SMARCC1: variants seen among roughly 807,000 people sequenced by gnomAD.
The protein encoded by SMARCC1 is SWI/SNF complex subunit SMARCC1.
A neutral mutation model predicts 147.4 loss-of-function variants in SMARCC1; 43 were observed. That is an observed-to-expected ratio of 0.29 (90% CI 0.23 to 0.38). SMARCC1 has a LOEUF of 0.38. Among genes scored for constraint, SMARCC1 ranks in the 10% least tolerant of loss-of-function variants. The pLI, the probability that SMARCC1 is intolerant of heterozygous loss-of-function variation, is 1.00. For synonymous variants in SMARCC1, 495 were observed against 484.4 expected, an observed-to-expected ratio of 1.02 and a Z score of -0.29; for missense variants, 1,119 against 1,381.1, an observed-to-expected ratio of 0.81 and a Z score of 3.01.
intron 26 of SMARCC1, among the ~76,000 whole-genome samples, chr3:47,593,028 T>C (rs962169416): frequency 1.3e-5 from 2 of 151,926 alleles, no homozygotes; most frequent in African/African-American, 2.4e-5. Flanking sequence ...GGTTTCACTA[T>C]GTTGGCCAAG....
chr3:47,725,408 A>G (rs1475092897), intron 6 of SMARCC1, among the ~76,000 whole-genome samples: 3 of 152,100 alleles, frequency 2.0e-5, no homozygotes, highest in Non-Finnish European at 4.4e-5. Context: ...GCACAACTGT[A>G]AATATACTAA....
rs545566348 is a variant in SMARCC1 at position 47,592,323 on chromosome 3, A to G, written c.3044-1486T>C. Among the ~76,000 whole-genome samples, 6 of 152,378 alleles carry G rather than the reference A, an allele frequency of 3.9e-5. No homozygotes were observed. The East Asian group carries it at 9.6e-4, about 24-fold the overall frequency. ...AAGCATGAAGGCAGTCACAGATGATACACAACAAATGGACGTGGCTGTGTT... is the reference window on the plus strand; with the variant it reads ...AAGCATGAAGGCAGTCACAGATGATGCACAACAAATGGACGTGGCTGTGTT... On this transcript the variant is annotated intron_variant, in intron 26 of 27. Coordinates refer to ENST00000254480, the MANE Select transcript of SMARCC1 (RefSeq NM_003074.4).
chr3:47,708,102 T>TTTTTTC, intron 9 of SMARCC1, among the ~76,000 whole-genome samples: 1 of 119,532 alleles, frequency 8.4e-6, no homozygotes, highest in Non-Finnish European at 1.7e-5. Context: ...TTTTTTTTTT[T>TTTTTTC]TTTTTTTTTT....
chr3:47,710,577 G>T (rs568802164), intron 9 of SMARCC1, 106 bp downstream of exon 9: 5 of 1,151,764 alleles, frequency 4.3e-6, no homozygotes, highest in Admixed American at 2.6e-5. Flanking sequence ...AGGCAGATGT[G>T]AAAGTTCCTA....
intron 23 of SMARCC1, 68 bp downstream of exon 23, chr3:47,635,954 C>T (rs1235414709): frequency 7.9e-6 from 6 of 758,922 alleles, no homozygotes; most frequent in African/African-American, 1.8e-5. Context: ...TCTATATAAA[C>T]CACCTTCATT....
intron 7 of SMARCC1, among the ~76,000 whole-genome samples, chr3:47,716,063 C>A (rs1265607874): frequency 6.6e-6 from 1 of 151,108 alleles, no homozygotes; most frequent in Non-Finnish European, 1.5e-5. Context: ...CAAATGACAT[C>A]TAGTATGATG....
At chr3:47,641,260 G>A (rs1416428188) in intron 21 of SMARCC1, among the ~76,000 whole-genome samples, 2 of 152,232 alleles carry the variant, frequency 1.3e-5, no homozygotes, top group African/African-American at 4.8e-5. Context: ...GCCAAGATGG[G>A]TGAATCACTT....
chr3:47,775,574 C>G (rs999256786), intron 1 of SMARCC1, among the ~76,000 whole-genome samples: 2 of 150,446 alleles, frequency 1.3e-5, no homozygotes. Flanking sequence ...GAGATCAAGA[C>G]CAACCTGACT....
Position 47,689,392 on chromosome 3 carries a change from C to T in SMARCC1, c.1258G>A (p.Gly420Arg). Residue 420 changes from glycine to arginine, a missense_variant, in exon 13 of 28, where the codon GGA becomes AGA. By Grantham distance (125) the Gly-to-Arg change is moderately radical. Around this residue, in one of 6 missense-constraint regions of SMARCC1, gnomAD observed 542 missense variants for 611.8 expected, o/e 0.89. Transcript: ENST00000254480. ...EQDEETVTAG[G>R]KEDEDPAKGD... ...AGGCTTAACTGAATTGTTACCTTTC[C>T]TCCTGCTGTGACTGTTTCTTCATCC... 1 of 1,612,764 alleles carries T rather than the reference C, an allele frequency of 6.2e-7. No homozygotes were observed.
At chr3:47,726,981 G>A (rs1214877163) in intron 6 of SMARCC1, among the ~76,000 whole-genome samples, 5 of 150,670 alleles carry the variant, frequency 3.3e-5, no homozygotes, top group Admixed American at 6.6e-5. Flanking sequence ...AGGCTGAGGC[G>A]TTTGGATCAC....
chr3:47,758,824 A>G (rs1302683082), intron 2 of SMARCC1, among the ~76,000 whole-genome samples: 1 of 152,008 alleles, frequency 6.6e-6, no homozygotes, highest in Non-Finnish European at 1.5e-5. Context: ...ACCTGAGGTC[A>G]GGAGTTTGAG....
intron 26 of SMARCC1, among the ~76,000 whole-genome samples, chr3:47,596,945 C>T (rs979696482): frequency 2.0e-4 from 31 of 151,548 alleles, no homozygotes; most frequent in Admixed American, 4.6e-4. Context: ...CCTGTAATCC[C>T]GGCACTTTGG....
intron 5 of SMARCC1, among the ~76,000 whole-genome samples, chr3:47,733,997 G>T (rs950438678): frequency 6.6e-6 from 1 of 150,824 alleles, no homozygotes; most frequent in Non-Finnish European, 1.5e-5. Context: ...ACATATGTAT[G>T]TATATCTACA....
Position 47,781,727 on chromosome 3 carries a change from G to A in SMARCC1, c.71C>T (p.Ala24Val), listed in dbSNP as rs539360692. ...VGATGSGIAA[A>V]AAGLAVYRRK... ...TCGATAAACAGCTAGGCCTGCGGCTGCCGCCGCAATCCCCGAGCCCGTGGC... is the reference window on the plus strand; with the variant it reads ...TCGATAAACAGCTAGGCCTGCGGCTACCGCCGCAATCCCCGAGCCCGTGGC... Residue 24 changes from alanine to valine, a missense_variant, in exon 1 of 28, where the codon GCA becomes GTA. Around this residue, in one of 6 missense-constraint regions of SMARCC1, gnomAD observed 542 missense variants for 611.8 expected, o/e 0.89. Transcript: ENST00000254480. 2.3e-5 allele frequency: 36 copies of A among 1,551,882 alleles called. No individual in the cohort carries two copies. Among genetic ancestry groups the A allele is most frequent in the Admixed American group, 1.6e-4 (8 of 50,198 alleles).
intron 2 of SMARCC1, among the ~76,000 whole-genome samples, chr3:47,752,396 C>T (rs2034639051): frequency 6.6e-6 from 1 of 152,074 alleles, no homozygotes; most frequent in Non-Finnish European, 1.5e-5. Flanking sequence ...GAGGCCCTGC[C>T]CTAATTCAAA....
At chr3:47,645,285 T>C (rs1372352835) in intron 21 of SMARCC1, among the ~76,000 whole-genome samples, 1 of 149,352 alleles carries the variant, frequency 6.7e-6, no homozygotes, top group African/African-American at 2.5e-5. Flanking sequence ...AGCGAGACCC[T>C]GTCCCCCCCA....
chr3:47,697,111 A>C (rs1017462962), intron 11 of SMARCC1, among the ~76,000 whole-genome samples: 30 of 152,158 alleles, frequency 2.0e-4, no homozygotes, highest in African/African-American at 6.8e-4. Context: ...GCTTGAGCTC[A>C]GGAGTTTGAG....
chr3:47,751,844 G>A (rs1445418542), intron 2 of SMARCC1, among the ~76,000 whole-genome samples: 3 of 152,064 alleles, frequency 2.0e-5, no homozygotes, highest in Admixed American at 6.6e-5. Flanking sequence ...AGCACTTTGG[G>A]AGGCAGAGGA....
chr3:47,749,765 A>AGAGG (rs2034607771), intron 2 of SMARCC1, among the ~76,000 whole-genome samples: 4 of 131,836 alleles, frequency 3.0e-5, no homozygotes, highest in Admixed American at 7.9e-5. Flanking sequence ...AGAGAGAGAG[A>AGAGG]GGTGGCGGGG....
Sources: gnomAD v4.1 joint callset for allele counts (sites outside exome capture counted in the v4.1 genomes callset) on GRCh38, gnomAD v4.1.1 for gene constraint, gnomAD v4.1.1 regional missense constraint, MANE v1.5 for transcripts, NCBI Gene and HGNC (gene_info 2026-07-23, HGNC 2026-07-21) for gene names.